Variants in OR2A5 observed in about 807,000 individuals in gnomAD.
The protein encoded by OR2A5 is olfactory receptor family 2 subfamily A member 5.
OR2A5 carries 2 observed loss-of-function variants against 1.9 expected under a neutral mutation model. The observed-to-expected ratio is 1.04, with a 90% CI of 0.43 to 3.28. The LOEUF is 3.28. Among genes scored for constraint, OR2A5 ranks in the 30% most tolerant of loss-of-function variants. The probability of loss-of-function intolerance (pLI) is 0.08; values close to 1 mark genes in which losing one functional copy is unlikely to be tolerated. For missense variants in OR2A5, 391 were observed against 375.9 expected, an observed-to-expected ratio of 1.04 and a Z score of -0.33; for synonymous variants, 160 against 154.5, an observed-to-expected ratio of 1.04 and a Z score of -0.26.
chr7:144,050,268 G>A, intron 1 of OR2A5, 83 bp from the exon 2 acceptor site: 1 of 576,348 alleles, frequency 1.7e-6, no homozygotes, highest in Non-Finnish European at 3.0e-6. Context: ...GAAAAACCTT[G>A]CTGACTGAGT....
chr7:144,051,506 T>G lies in OR2A5; in HGVS notation c.*169T>G, dbSNP rs1160360906. On this transcript the variant is annotated 3_prime_UTR_variant, in exon 2 of 2. Transcript: ENST00000641693. The stretch of plus-strand genomic sequence containing the variant: ...AGTACCATGCAGATCACAAAGCACA[T>G]GCAGACAGGCGCTGAGCCGTGTGGT... 1.6e-6 allele frequency: 1 copy of G among 637,100 alleles called. No homozygotes were observed. Among genetic ancestry groups the G allele is most frequent in the Non-Finnish European group, 2.7e-6 (1 of 374,424 alleles). The allele number at this position is 637,100 out of a possible 1,614,324, so 39.5% of individuals were successfully genotyped here.
At chr7:144,049,392 A>G (rs2050884802) in intron 1 of OR2A5, among the ~76,000 whole-genome samples, 2 of 152,228 alleles carry the variant, frequency 1.3e-5, no homozygotes, top group South Asian at 2.1e-4. Context: ...CCCTGTGGCT[A>G]TGTGGTTGGG....
intron 1 of OR2A5, among the ~76,000 whole-genome samples, chr7:144,049,541 G>A (rs2050885984): frequency 6.6e-6 from 1 of 152,208 alleles, no homozygotes; most frequent in East Asian, 1.9e-4. Context: ...TCCAACAAGT[G>A]TAGTGGGCAT....
rs2050894272 is a variant in OR2A5, at chr7:144,050,666, A to G, written c.265A>G (p.Arg89Gly). The part of the protein sequence containing the change: ...KMLTNLGLNK[R>G]KTISFVPCTM... ...GCTGACAAACCTTGGCTTGAACAAG[A>G]GAAAAACAATCTCCTTTGTCCCATG... is the stretch of plus-strand genomic sequence containing the variant. Residue 89 changes from arginine to glycine, a missense_variant, in exon 2 of 2, where the codon AGA (arginine) becomes GGA (glycine). Arg to Gly is a moderately radical substitution (Grantham distance 125). Coordinates refer to ENST00000641693, the MANE Select transcript of OR2A5 (RefSeq NM_012365.2). The G allele has an allele frequency of 6.2e-7, 1 of 1,614,182 alleles. No homozygotes were observed. The highest frequency in any genetic ancestry group is 8.5e-7 in the Non-Finnish European group (1 of 1,180,030).
In OR2A5 at chr7:144,051,427, T is replaced by A. The variant is rs1919969; in HGVS notation, c.*90T>A. On this transcript the variant is annotated 3_prime_UTR_variant, in exon 2 of 2. Coordinates refer to ENST00000641693, the MANE Select transcript of OR2A5 (RefSeq NM_012365.2). ...TGTAAATGCCTTACAGTCTCATCTC[T>A]TAGATTTCTGATATCAAGAATGTAT... is the stretch of plus-strand genomic sequence containing the variant. The A allele has an allele frequency of 1.8e-5, 18 of 991,518 alleles. 1 individual carries two copies. The South Asian group carries it at 2.5e-4, about 14-fold the overall frequency. The allele number at this position is 991,518 out of a possible 1,614,324, so 61.4% of individuals were successfully genotyped here.
At position 144,053,883 on chromosome 7, in the gene OR2A5, C is replaced by T. The variant is rs937714320; in HGVS notation, c.*2546C>T. ...TCCAATAGTAACTCCCTCCTAATGC[C>T]TGTCTGCAAAATCACATGGCCTCAT... On this transcript the variant is annotated 3_prime_UTR_variant, in exon 2 of 2. Transcript: ENST00000641693. 1 of 152,206 alleles carries T rather than the reference C, an allele frequency of 6.6e-6. No individual in the cohort carries two copies. Among genetic ancestry groups the T allele is most frequent in the Non-Finnish European group, 1.5e-5 (1 of 68,054 alleles). 9.4% of individuals were successfully genotyped at this position (152,206 alleles called of 1,614,324 possible).
In OR2A5 at chr7:144,053,476, C is replaced by G. The variant is rs539612939; in HGVS notation, c.*2139C>G. On this transcript the variant is annotated 3_prime_UTR_variant, in exon 2 of 2. Transcript: ENST00000641693. The stretch of plus-strand genomic sequence containing the variant: ...ACTGACTGCTTCACAAATGTTACCC[C>G]GTTTATCTTGCATAAACATCACAAT... The G allele has an allele frequency of 6.6e-6, 1 of 152,268 alleles. No homozygotes were observed. The highest frequency in any genetic ancestry group is 3.4e-3 in the Middle Eastern group (1 of 294). The allele number at this position is 152,268 out of a possible 1,614,324, so 9.4% of individuals were successfully genotyped here.
At position 144,050,817 on chromosome 7, in the gene OR2A5, G is replaced by A. The variant is rs1323380630; in HGVS notation, c.416G>A (p.Gly139Glu). ...CAATATTCTGTCATCATGAGATGGG[G>A]AGTGTGCACAGTCCTGGCTGTCACT... The part of the protein sequence containing the change: ...PLQYSVIMRW[G>E]VCTVLAVTSW... The change falls in exon 2 of 2, where the codon GGA becomes GAA. Residue 139 changes from glycine (G) to glutamate (E), a missense_variant. By Grantham distance (98) the Gly-to-Glu change is moderately conservative (BLOSUM62 -2). Transcript: ENST00000641693. The A allele has an allele frequency of 6.2e-7, 1 of 1,614,078 alleles. No individual in the cohort carries two copies. The highest frequency in any genetic ancestry group is 8.5e-7 in the Non-Finnish European group (1 of 1,180,040).
At position 144,050,368 on chromosome 7, in the gene OR2A5, C is replaced by T; in HGVS notation, c.-34C>T. 7.1e-7 allele frequency: 1 copy of T among 1,403,154 alleles called. No homozygotes were observed. Among genetic ancestry groups the T allele is most frequent in the Non-Finnish European group, 9.7e-7 (1 of 1,031,884 alleles). 86.9% of individuals were successfully genotyped at this position (1,403,154 alleles called of 1,614,324 possible). A position where few individuals can be genotyped will look rare whatever the true frequency, so the allele number is the denominator to read the frequency against. Reference sequence around the variant, plus strand: ...CTCCTCAGCACATAGCTCATTGCCACAGCAGAGTCCAACGCAGGTACTGTC... The same window carrying T: ...CTCCTCAGCACATAGCTCATTGCCATAGCAGAGTCCAACGCAGGTACTGTC... On this transcript the variant is annotated 5_prime_UTR_variant, in exon 2 of 2. Transcript: ENST00000641693.
In OR2A5 at chr7:144,054,397, A is replaced by G. The variant is rs1033533319; in HGVS notation, c.*3060A>G. The G allele has an allele frequency of 5.9e-5, 9 of 152,246 alleles. No individual in the cohort carries two copies. The highest frequency in any genetic ancestry group is 4.6e-4 in the Admixed American group (7 of 15,292). The allele number at this position is 152,246 out of a possible 1,614,324, so 9.4% of individuals were successfully genotyped here. On this transcript the variant is annotated 3_prime_UTR_variant, in exon 2 of 2. Transcript: ENST00000641693. ...AAGGATATAAGGACAATGAAAATGA[A>G]AAATGATTACATAGTAAGACTAAGA...
In OR2A5 at chr7:144,050,524, T is replaced by C. The variant is rs1314991297; in HGVS notation, c.123T>C (p.Asn41=). The C allele has an allele frequency of 1.9e-6, 3 of 1,608,792 alleles. No homozygotes were observed. The highest frequency in any genetic ancestry group is 2.5e-6 in the Non-Finnish European group (3 of 1,177,360). Residue 41 remains asparagine, a synonymous_variant, in exon 2 of 2, where the codon AAT becomes AAC. Transcript: ENST00000641693. ...TATACGTCTTCACCCTGCTGGGAAA[T>C]GGGGCCATCCTGGGGCTCATCTGGC... ...SLLYVFTLLG[N]GAILGLIWLD...
chr7:144,056,819 T>TC lies in OR2A5; in HGVS notation c.*5482_*5483insC, dbSNP rs1563028750. 2 of 144,910 alleles carry TC rather than the reference T, an allele frequency of 1.4e-5. No individual in the cohort carries two copies. Among genetic ancestry groups the TC allele is most frequent in the Non-Finnish European group, 3.0e-5 (2 of 66,370 alleles). 9.0% of individuals were successfully genotyped at this position (144,910 alleles called of 1,614,324 possible). ...AAATAAGGACTAACTCTTGTTTTTT[T>TC]TTTTTTTTTTTTTGAGACGGAGTCT... On this transcript the variant is annotated 3_prime_UTR_variant, in exon 2 of 2. Coordinates refer to ENST00000641693, the MANE Select transcript of OR2A5 (RefSeq NM_012365.2).
chr7:144,053,492 A>T lies in OR2A5; in HGVS notation c.*2155A>T, dbSNP rs1355565122. 6.6e-6 allele frequency: 1 copy of T among 152,200 alleles called. No individual in the cohort carries two copies. The highest frequency in any genetic ancestry group is 1.5e-5 in the Non-Finnish European group (1 of 68,038). The allele number at this position is 152,200 out of a possible 1,614,324, so 9.4% of individuals were successfully genotyped here. On this transcript the variant is annotated 3_prime_UTR_variant, in exon 2 of 2. Coordinates refer to ENST00000641693, the MANE Select transcript of OR2A5 (RefSeq NM_012365.2). ...ATGTTACCCCGTTTATCTTGCATAA[A>T]CATCACAATGGAGTCGCTATTATTT...
chr7:144,051,559 T>C lies in OR2A5; in HGVS notation c.*222T>C, dbSNP rs1234800787. 4.0e-6 allele frequency: 2 copies of C among 497,416 alleles called. No homozygotes were observed. Among genetic ancestry groups the C allele is most frequent in the Non-Finnish European group, 7.1e-6 (2 of 283,634 alleles). 30.8% of individuals were successfully genotyped at this position (497,416 alleles called of 1,614,324 possible). On this transcript the variant is annotated 3_prime_UTR_variant, in exon 2 of 2. Transcript: ENST00000641693. ...AGCAGAGGTGCAAAGTGCCATGAAC[T>C]CCTACTCCCAGGTCCCACCCCTACC...
Position 144,054,166 on chromosome 7 carries a change from C to T in OR2A5, c.*2829C>T, listed in dbSNP as rs1372111668. The T allele has an allele frequency of 2.0e-5, 3 of 152,244 alleles. No individual in the cohort carries two copies. Among genetic ancestry groups the T allele is most frequent in the African/African-American group, 7.2e-5 (3 of 41,450 alleles). The allele number at this position is 152,244 out of a possible 1,614,324, so 9.4% of individuals were successfully genotyped here. ...CCCAGCACAGGTGCAAGCTGAGATGCTTGCTATGTTAGATTCACATCTCAA... is the reference window on the plus strand; with the variant it reads ...CCCAGCACAGGTGCAAGCTGAGATGTTTGCTATGTTAGATTCACATCTCAA... On this transcript the variant is annotated 3_prime_UTR_variant, in exon 2 of 2. Transcript: ENST00000641693.
At chr7:144,049,216 T>C (rs1318826182) in intron 1 of OR2A5, 83 bp downstream of exon 1, 2 of 152,234 alleles carry the variant, frequency 1.3e-5, no homozygotes, top group Non-Finnish European at 2.9e-5. Flanking sequence ...AATCAGTACA[T>C]TGAATGGGAG....
In OR2A5 at chr7:144,050,644, G is replaced by C; in HGVS notation, c.243G>C (p.Leu81=). The C allele has an allele frequency of 6.2e-7, 1 of 1,613,886 alleles. No homozygotes were observed. Among genetic ancestry groups the C allele is most frequent in the Admixed American group, 1.7e-5 (1 of 60,016 alleles). ...SYASNNVPKM[L]TNLGLNKRKT... ...CTTCCAACAATGTCCCCAAGATGCT[G>C]ACAAACCTTGGCTTGAACAAGAGAA... The change falls in exon 2 of 2, where the codon CTG becomes CTC. Residue 81 remains leucine, a synonymous_variant. Transcript: ENST00000641693.
Position 144,050,406 on chromosome 7 carries a change from C to A in OR2A5, c.5C>A (p.Thr2Lys), listed in dbSNP as rs200199706. 112 of 1,536,084 alleles carry A rather than the reference C, an allele frequency of 7.3e-5. No individual in the cohort carries two copies. The African/African-American group carries it at 1.3e-3, about 18-fold the overall frequency. ...CGCAGGTACTGTCACAAGGGCATGA[C>A]AAAAAATCAGACATGGGTCACAGAA... M[T>K]KNQTWVTEFI... is the part of the protein sequence containing the mutation. Residue 2 changes from threonine (T) to lysine (K), a missense_variant, in exon 2 of 2, where the codon ACA becomes AAA. By Grantham distance (78) the Thr-to-Lys change is moderately conservative. Transcript: ENST00000641693.
At position 144,055,651 on chromosome 7, in the gene OR2A5, A is replaced by G. The variant is rs2050934039; in HGVS notation, c.*4314A>G. ...TTGTGGTTCTCATACTTTTATTCCC[A>G]CAATGCCATCACAACTTTATTTCTA... On this transcript the variant is annotated 3_prime_UTR_variant, in exon 2 of 2. Coordinates refer to ENST00000641693, the MANE Select transcript of OR2A5 (RefSeq NM_012365.2). The G allele has an allele frequency of 6.6e-6, 1 of 152,230 alleles. No individual in the cohort carries two copies. Among genetic ancestry groups the G allele is most frequent in the Non-Finnish European group, 1.5e-5 (1 of 68,040 alleles). 9.4% of individuals were successfully genotyped at this position (152,230 alleles called of 1,614,324 possible). A position where few individuals can be genotyped will look rare whatever the true frequency, so the allele number is the denominator to read the frequency against.
Sources: gnomAD v4.1 joint callset for allele counts (sites outside exome capture counted in the v4.1 genomes callset) on GRCh38, gnomAD v4.1.1 for gene constraint, MANE v1.5 for transcripts, NCBI Gene and HGNC (gene_info 2026-07-23, HGNC 2026-07-21) for gene names.